NAALADL2: variants seen among roughly 807,000 people sequenced by gnomAD.
NAALADL2 encodes the protein inactive N-acetylated-alpha-linked acidic dipeptidase-like protein 2.
Under a neutral mutation model 87.2 loss-of-function variants are expected in NAALADL2, and 76 were observed. That is an observed-to-expected ratio of 0.87 (90% confidence interval 0.72 to 1.05). The LOEUF is 1.05. Among genes scored for constraint, NAALADL2 ranks in the 50% least tolerant of loss-of-function variants. NAALADL2 has a pLI of 0.00. For synonymous variants in NAALADL2, 354 were observed against 331.0 expected, an observed-to-expected ratio of 1.07 and a Z score of -0.75; for missense variants, 1,089 against 945.8, an observed-to-expected ratio of 1.15 and a Z score of -1.99.
At chr3:175,290,821 C>A (rs993026438) in intron 4 of NAALADL2, among the ~76,000 whole-genome samples, 1 of 152,016 alleles carries the variant, frequency 6.6e-6, no homozygotes, top group African/African-American at 2.4e-5. Context: ...AGGCTCTTCC[C>A]AGATCTCCAT....
chr3:174,778,949 G>A (rs1163192320), intron 3 of NAALADL2, among the ~76,000 whole-genome samples: 1 of 152,158 alleles, frequency 6.6e-6, no homozygotes, highest in Non-Finnish European at 1.5e-5. Context: ...ATGTGTGCAT[G>A]TGTCTTTATA....
intron 3 of NAALADL2, among the ~76,000 whole-genome samples, chr3:174,744,488 C>T (rs1295564314): frequency 6.6e-6 from 1 of 152,012 alleles, no homozygotes; most frequent in Non-Finnish European, 1.5e-5. Context: ...TAGACTCCCA[C>T]ACAAAATAGT....
At chr3:174,553,158 A>G (rs1339676927) in intron 2 of NAALADL2, among the ~76,000 whole-genome samples, 1 of 152,222 alleles carries the variant, frequency 6.6e-6, no homozygotes, top group African/African-American at 2.4e-5. Flanking sequence ...GTTGTTGGAA[A>G]TGCAAAATTA....
intron 3 of NAALADL2, among the ~76,000 whole-genome samples, chr3:174,760,596 A>C (rs1463570652): frequency 6.6e-6 from 1 of 152,214 alleles, no homozygotes; most frequent in Non-Finnish European, 1.5e-5. Flanking sequence ...AGCAGGCAGC[A>C]GGATTTGTCA....
At chr3:175,459,147 C>T (rs1722746783) in intron 6 of NAALADL2, among the ~76,000 whole-genome samples, 2 of 151,822 alleles carry the variant, frequency 1.3e-5, no homozygotes, top group Non-Finnish European at 2.9e-5. Flanking sequence ...ATATACCACC[C>T]GAAGTTACCA....
At chr3:174,597,078 T>C (rs1157400407) in intron 2 of NAALADL2, among the ~76,000 whole-genome samples, 2 of 152,170 alleles carry the variant, frequency 1.3e-5, no homozygotes. Context: ...GGACTCTACA[T>C]AGTGGTGTTT....
chr3:175,705,677 A>G (rs191367723), intron 11 of NAALADL2, among the ~76,000 whole-genome samples: 228 of 152,208 alleles, frequency 1.5e-3, no homozygotes, highest in Non-Finnish European at 2.1e-3. Context: ...TTGTGAGTTA[A>G]ATATTATTGC....
intron 11 of NAALADL2, among the ~76,000 whole-genome samples, chr3:175,645,296 C>G (rs75429352): frequency 0.022 from 3,367 of 152,116 alleles, 52 homozygotes; most frequent in Non-Finnish European, 0.035. Context: ...TAAACACATT[C>G]TAAGTGCTGG....
At position 174,784,532 on chromosome 3, in the gene NAALADL2, C is replaced by A. The variant is rs145113734; in HGVS notation, c.-9+46786C>A. Among the ~76,000 whole-genome samples the A allele has an allele frequency of 2.0e-4, 30 of 152,274 alleles. No individual in the cohort carries two copies. The East Asian group carries it at 5.8e-3, about 29-fold the overall frequency. ...TGAAATCAAACGATAAAAACCTTTT[C>A]TTAAGTGTATTAAAGATGTGACAGT... On this transcript the variant is annotated intron_variant, in intron 3 of 3. Coordinates refer to the NAALADL2 transcript ENST00000434257.
chr3:174,851,599 A>G (rs933335834), intron 3 of NAALADL2, among the ~76,000 whole-genome samples: 1 of 152,062 alleles, frequency 6.6e-6, no homozygotes, highest in African/African-American at 2.4e-5. Context: ...GACCAATAAT[A>G]AATAATGGGA....
intron 1 of NAALADL2, among the ~76,000 whole-genome samples, chr3:175,088,370 T>C (rs1719450616): frequency 6.6e-6 from 1 of 152,218 alleles, no homozygotes; most frequent in South Asian, 2.1e-4. Flanking sequence ...TTCTCTGAGC[T>C]GCCTCCTTCT....
intron 1 of NAALADL2, among the ~76,000 whole-genome samples, chr3:175,001,617 T>G (rs1748243915): frequency 6.6e-6 from 1 of 152,090 alleles, no homozygotes; most frequent in African/African-American, 2.4e-5. Context: ...CATTCCTTGT[T>G]TTTCGTAATA....
At chr3:174,656,040 A>G (rs1724886037) in intron 2 of NAALADL2, among the ~76,000 whole-genome samples, 1 of 152,208 alleles carries the variant, frequency 6.6e-6, no homozygotes. Flanking sequence ...TATTTGTTTA[A>G]AATGTCTTCT....
intron 1 of NAALADL2, among the ~76,000 whole-genome samples, chr3:175,056,839 C>T (rs572675093): frequency 1.6e-4 from 24 of 152,162 alleles, no homozygotes; most frequent in Non-Finnish European, 3.5e-4. Flanking sequence ...TTTAAGAAAA[C>T]CCGTAAGCAG....
At chr3:175,388,945 GA>G (rs902825849) in intron 5 of NAALADL2, among the ~76,000 whole-genome samples, 1 of 151,666 alleles carries the variant, frequency 6.6e-6, no homozygotes, top group Non-Finnish European at 1.5e-5. Context: ...TTCTTTTATA[GA>G]AAAAAAATTA....
rs1727121497 is a variant in NAALADL2, at chr3:175,627,296, A to C, written c.1806A>C (p.Pro602=). The change falls in exon 11 of 14, where the codon CCA becomes CCC. Residue 602 remains proline (P), a synonymous_variant. Coordinates refer to ENST00000454872, the MANE Select transcript of NAALADL2 (RefSeq NM_207015.3). The part of the protein sequence containing the change: ...AYEDIKTLEG[P]SFLSEARFST... ...TCTTTTTTGATTTGCCGCAGGGTCC[A>C]AGTTTTCTCTCCGAGGCCCGTTTTT... 1.3e-6 allele frequency: 2 copies of C among 1,562,744 alleles called. No individual in the cohort carries two copies. The highest frequency in any genetic ancestry group is 2.7e-5 in the African/African-American group (2 of 73,840).
intron 2 of NAALADL2, among the ~76,000 whole-genome samples, chr3:174,728,658 C>T (rs796149197): frequency 2.6e-5 from 4 of 152,028 alleles, no homozygotes; most frequent in African/African-American, 9.6e-5. Context: ...GTTTTTTTCC[C>T]ATTTCACATA....
chr3:174,963,715 G>C (rs1026214222), intron 1 of NAALADL2, among the ~76,000 whole-genome samples: 1 of 151,930 alleles, frequency 6.6e-6, no homozygotes, highest in African/African-American at 2.4e-5. Context: ...CACATATTAC[G>C]AGCTCAACAA....
chr3:174,451,843 GTTTTTTTTTTT>G (rs764587503), intron 1 of NAALADL2, among the ~76,000 whole-genome samples: 6 of 98,100 alleles, frequency 6.1e-5, no homozygotes, highest in Admixed American at 2.3e-4. Flanking sequence ...GATAGTGGGA[GTTTTTTTTTTT>G]TTTTTTTTTT....
Sources: allele counts gnomAD v4.1 joint callset (sites outside exome capture counted in the v4.1 genomes callset), GRCh38; gene constraint gnomAD v4.1.1; transcripts MANE v1.5; gene names NCBI Gene and HGNC (gene_info 2026-07-23, HGNC 2026-07-21).